The following ITGB4 variants were observed in gnomAD, a reference collection of about 807,000 sequenced individuals.
ITGB4 encodes the protein integrin subunit beta 4, also known as integrin beta-4.
ITGB4 carries 159 observed loss-of-function variants against 207.6 expected under a neutral mutation model. The observed-to-expected ratio is 0.77, with a 90% confidence interval of 0.67 to 0.87. The LOEUF (loss-of-function observed/expected upper bound fraction) is 0.87. ITGB4 is among the 40% of genes least tolerant of loss of function. The pLI, the probability that ITGB4 is intolerant of heterozygous loss-of-function variation, is 0.00. For missense variants in ITGB4, 2,278 were observed against 2,546.8 expected (o/e 0.89, Z 2.27); for synonymous variants, 1,020 against 1,062.7 (o/e 0.96, Z 0.78).
rs1568388833 is a variant in ITGB4, at chr17:75,756,994, C to CCGTGCCGGGCCTCAGCGAGAA, written c.5112_5132dup (p.Gly1705_Pro1711dup). ...GGAGACAGCCCCGAGAGCCGGCTGA[C>CCGTGCCGGGCCTCAGCGAGAA]CGTGCCGGGCCTCAGCGAGAACGTG... On this transcript the variant is annotated inframe_insertion, in exon 38 of 40. Coordinates refer to ENST00000200181, the MANE Select transcript of ITGB4 (RefSeq NM_000213.5). 3 of 1,612,862 alleles carry CCGTGCCGGGCCTCAGCGAGAA rather than the reference C, an allele frequency of 1.9e-6. No homozygotes were observed. Among genetic ancestry groups the CCGTGCCGGGCCTCAGCGAGAA allele is most frequent in the Non-Finnish European group, 2.5e-6 (3 of 1,179,968 alleles).
At chr17:75,752,947 G>T (rs1294454653) in intron 32 of ITGB4, among the ~76,000 whole-genome samples, 1 of 152,174 alleles carries the variant, frequency 6.6e-6, no homozygotes, top group Non-Finnish European at 1.5e-5. Flanking sequence ...GGGTAGGGGA[G>T]CCAAGGAGAC....
rs2061485944 is a variant in ITGB4, at chr17:75,755,844, A to G, written c.4702A>G (p.Asn1568Asp). The G allele has an allele frequency of 6.2e-7, 1 of 1,603,926 alleles. No individual in the cohort carries two copies. Among genetic ancestry groups the G allele is most frequent in the Non-Finnish European group, 8.5e-7 (1 of 1,179,636 alleles). ...QGYSVEYQLL[N>D]GGELHRLNIP... ...CTACAGTGTGGAGTACCAGCTGCTG[A>G]ACGGCGGTGAGGCATGGTGGCTGCC... Residue 1568 changes from asparagine to aspartate, a missense_variant, in exon 35 of 40, where the codon AAC becomes GAC. Coordinates refer to ENST00000200181, the MANE Select transcript of ITGB4 (RefSeq NM_000213.5).
rs538674429 is a variant in ITGB4 at position 75,757,720 on chromosome 17, G to A, written c.*165G>A. On this transcript the variant is annotated 3_prime_UTR_variant, in exon 40 of 40. Transcript: ENST00000200181. ...GGGAGGCATGAAGGGGGCAAGGTCCGTCCTCTGTGGGCCCAAACCTATTTG... is the reference window on the plus strand; with the variant it reads ...GGGAGGCATGAAGGGGGCAAGGTCCATCCTCTGTGGGCCCAAACCTATTTG... The A allele has an allele frequency of 1.4e-4, 134 of 924,504 alleles. No individual in the cohort carries two copies. The highest frequency in any genetic ancestry group is 6.5e-4 in the South Asian group (45 of 69,526). The allele number at this position is 924,504 out of a possible 1,614,324, so 57.3% of individuals were successfully genotyped here.
intron 16 of ITGB4, among the ~76,000 whole-genome samples, chr17:75,736,947 A>C (rs974559587): frequency 6.6e-6 from 1 of 152,086 alleles, no homozygotes; most frequent in Non-Finnish European, 1.5e-5. Context: ...AGGGACCAAG[A>C]GTCTTGGTGG....
intron 27 of ITGB4, 119 bp downstream of exon 27, chr17:75,749,164 C>A: frequency 1.2e-6 from 1 of 822,224 alleles, no homozygotes; most frequent in Non-Finnish European, 2.0e-6. Flanking sequence ...ATCTGAATTT[C>A]AGGTAAACAA....
At position 75,743,766 on chromosome 17, in the gene ITGB4, C is replaced by T; in HGVS notation, c.3016C>T (p.Gln1006Ter). The T allele has an allele frequency of 1.2e-6, 2 of 1,613,532 alleles. No homozygotes were observed. Among genetic ancestry groups the T allele is most frequent in the Non-Finnish European group, 1.7e-6 (2 of 1,180,014 alleles). The change falls in exon 26 of 40, where the codon CAG (glutamine) becomes TAG (stop). Residue 1006 changes from glutamine to a stop codon, truncating the protein, a stop_gained. Transcript: ENST00000200181. LOFTEE classifies it high-confidence loss of function. ...QPEFSVSRGD[Q>*]VARIPVIRRV... ...TGAGTTCTCGGTCAGCCGCGGGGAC[C>T]AGGTGGCCCGCATCCCTGTCATCCG...
In ITGB4 at chr17:75,756,587, C is replaced by T. The variant is rs989109091; in HGVS notation, c.4867C>T (p.His1623Tyr). 5 of 1,612,716 alleles carry T rather than the reference C, an allele frequency of 3.1e-6. No individual in the cohort carries two copies. The African/African-American group carries it at 4.0e-5, about 13-fold the overall frequency. ...TGTCATCACCATTGAATCCCAGGTGCACCCGCAGAGCCCACTGTGTCCCCT... is the reference window on the plus strand; with the variant it reads ...TGTCATCACCATTGAATCCCAGGTGTACCCGCAGAGCCCACTGTGTCCCCT... ...EGVITIESQV[H>Y]PQSPLCPLPG... is the part of the protein sequence containing the mutation. Residue 1623 changes from histidine (H) to tyrosine (Y), a missense_variant, in exon 36 of 40, where the codon CAC (histidine) becomes TAC (tyrosine). By Grantham distance (83) the His-to-Tyr change is moderately conservative. Transcript: ENST00000200181.
Position 75,740,624 on chromosome 17 carries a change from G to C in ITGB4, c.2550+163G>C. ...GGGGGCATCCTGGGATCTGTTTCCA[G>C]AGGGCAGAAGGCCAGAGCCTGGGCC... On this transcript the variant is annotated intron_variant, in intron 21 of 39. Transcript: ENST00000200181. The surrounding 1 kb of genome is among the most constrained non-coding windows in gnomAD (Gnocchi z 5.9). 1.0e-6 allele frequency: 1 copy of C among 962,854 alleles called. No individual in the cohort carries two copies. The highest frequency in any genetic ancestry group is 1.4e-5 in the South Asian group (1 of 72,878). 59.6% of individuals were successfully genotyped at this position (962,854 alleles called of 1,614,324 possible).
intron 33 of ITGB4, among the ~76,000 whole-genome samples, chr17:75,754,276 G>A (rs1357684558): frequency 6.6e-6 from 1 of 152,182 alleles, no homozygotes; most frequent in Admixed American, 6.5e-5. Context: ...GGGAAGGCTT[G>A]GGGATCTCCC....
intron 34 of ITGB4, 149 bp from the exon 35 acceptor site, chr17:75,755,552 G>A (rs1257916342): frequency 2.0e-6 from 2 of 1,006,050 alleles, no homozygotes; most frequent in Admixed American, 1.9e-5. Context: ...TGGGCAGCCT[G>A]GACAGGGTGT....
Position 75,755,355 on chromosome 17 carries a change from C to T in ITGB4, c.4559-346C>T, listed in dbSNP as rs2061472771. ...CCGCCTGCCCACAGGCGCTAACCAC[C>T]TGCCCTACCATCAGTGCTGATGCCT... is the stretch of plus-strand genomic sequence containing the variant. On this transcript the variant is annotated intron_variant, in intron 34 of 39. Transcript: ENST00000200181. 6.6e-6 allele frequency: 6 copies of T among 907,950 alleles called. 1 individual carries two copies. Among genetic ancestry groups the T allele is most frequent in the African/African-American group, 5.0e-5 (3 of 60,092 alleles). 56.2% of individuals were successfully genotyped at this position (907,950 alleles called of 1,614,324 possible). A position where few individuals can be genotyped will look rare whatever the true frequency, so the allele number is the denominator to read the frequency against.
At chr17:75,726,900 T>C (rs940908921) in intron 2 of ITGB4, among the ~76,000 whole-genome samples, 1 of 151,992 alleles carries the variant, frequency 6.6e-6, no homozygotes, top group Non-Finnish European at 1.5e-5. Context: ...GGTGAAACCC[T>C]GTCTCTACTA....
intron 32 of ITGB4, 131 bp downstream of exon 32, chr17:75,752,708 C>A: frequency 1.8e-6 from 2 of 1,141,656 alleles, no homozygotes; most frequent in Non-Finnish European, 2.5e-6. Flanking sequence ...TGGACAAATG[C>A]AATGGAGTGC....
Position 75,728,447 on chromosome 17 carries a change from C to A in ITGB4, c.540C>A (p.Val180=). The change falls in exon 6 of 40, where the codon GTC becomes GTA. Residue 180 remains valine, a synonymous_variant. Transcript: ENST00000200181. ...GCAAGTTTGTGGACAAAGTCAGCGT[C>A]CCGCAGACGGACATGAGGCCTGAGA... ...GFGKFVDKVS[V]PQTDMRPEKL... 6.2e-7 allele frequency: 1 copy of A among 1,614,122 alleles called. No homozygotes were observed. Among genetic ancestry groups the A allele is most frequent in the Non-Finnish European group, 8.5e-7 (1 of 1,179,956 alleles).
intron 35 of ITGB4, among the ~76,000 whole-genome samples, 191 bp downstream of exon 35, chr17:75,756,041 C>T (rs2143521943): frequency 6.6e-6 from 1 of 152,342 alleles, no homozygotes; most frequent in East Asian, 1.9e-4. Context: ...TCTGAGGTCT[C>T]ACCCACCTCC....
In ITGB4 at chr17:75,750,292, C is replaced by G. The variant is rs761700532; in HGVS notation, c.3474+24C>G. 2.5e-6 allele frequency: 4 copies of G among 1,590,918 alleles called. No homozygotes were observed. The highest frequency in any genetic ancestry group is 1.7e-5 in the Admixed American group (1 of 58,342). On this transcript the variant is annotated intron_variant, in intron 28 of 39. Coordinates refer to ENST00000200181, the MANE Select transcript of ITGB4 (RefSeq NM_000213.5). The surrounding 1 kb of genome is among the most constrained non-coding windows in gnomAD (Gnocchi z 5.5). ...GGGTAAGGCGGGGGGCTGAGGGTCA[C>G]GACAGGTGGATGGGCGGTCTGGCAC... is the stretch of plus-strand genomic sequence containing the variant.
chr17:75,744,644 C>A (rs12326030), intron 26 of ITGB4, among the ~76,000 whole-genome samples: 2 of 152,230 alleles, frequency 1.3e-5, no homozygotes, highest in Non-Finnish European at 2.9e-5. Context: ...CAGGAGCAAC[C>A]CTTCAAGGCA....
chr17:75,755,056 C>A, intron 34 of ITGB4: 2 of 1,596,862 alleles, frequency 1.3e-6, no homozygotes, highest in Non-Finnish European at 1.7e-6. Context: ...CTGCCCTAGG[C>A]CTCCCTCCCA....
intron 26 of ITGB4, among the ~76,000 whole-genome samples, chr17:75,747,730 A>G (rs1420924576): frequency 6.6e-6 from 1 of 151,900 alleles, no homozygotes; most frequent in Non-Finnish European, 1.5e-5. Flanking sequence ...CCTCACTGCA[A>G]CCTCTGCCTC....
Sources: allele counts gnomAD v4.1 joint callset (sites outside exome capture counted in the v4.1 genomes callset), GRCh38; gene constraint gnomAD v4.1.1; non-coding constraint Gnocchi (gnomAD v3.1); transcripts MANE v1.5; gene names NCBI Gene and HGNC (gene_info 2026-07-23, HGNC 2026-07-21).